Variants in SLC2A10 observed in about 807,000 individuals in gnomAD.
The protein encoded by SLC2A10 is solute carrier family 2 member 10, also known as solute carrier family 2, facilitated glucose transporter member 10.
A neutral mutation model predicts 32.1 loss-of-function variants in SLC2A10; 25 were observed. The ratio of observed to expected loss-of-function variants is 0.78; its 90% CI spans 0.57 to 1.09. The LOEUF (loss-of-function observed/expected upper bound fraction) is 1.09. Among genes scored for constraint, SLC2A10 ranks in the 50% least tolerant of loss-of-function variants. The pLI is 0.00. For synonymous variants in SLC2A10, 332 were observed against 309.6 expected (o/e 1.07, Z -0.76); for missense variants, 673 against 686.5 (o/e 0.98, Z 0.22).
chr20:46,717,762 T>C (rs1046703664), intron 1 of SLC2A10, among the ~76,000 whole-genome samples: 1 of 152,146 alleles, frequency 6.6e-6, no homozygotes, highest in Admixed American at 6.5e-5. Flanking sequence ...AAGGAACACA[T>C]GACAAATGGT....
chr20:46,722,778 G>A (rs1979630369), intron 1 of SLC2A10, among the ~76,000 whole-genome samples: 1 of 152,222 alleles, frequency 6.6e-6, no homozygotes, highest in East Asian at 1.9e-4. Context: ...TACAGTCGGT[G>A]TGTTAACAAT....
upstream of SLC2A10, among the ~76,000 whole-genome samples, chr20:46,708,872 G>C (rs1184054558): frequency 6.6e-6 from 1 of 152,092 alleles, no homozygotes; most frequent in African/African-American, 2.4e-5. Flanking sequence ...CCCACCCCGG[G>C]GCCTTTGCCT....
At chr20:46,726,373 A>G in intron 2 of SLC2A10, 49 bp downstream of exon 2, 1 of 1,591,834 alleles carries the variant, frequency 6.3e-7, no homozygotes, top group Non-Finnish European at 8.5e-7. Context: ...TACCCCTCCT[A>G]GGGGGAAGTT....
At chr20:46,732,894 A>C (rs562175913) in intron 4 of SLC2A10, among the ~76,000 whole-genome samples, 1 of 152,296 alleles carries the variant, frequency 6.6e-6, no homozygotes, top group Admixed American at 6.5e-5. Flanking sequence ...GGTGGAGGGA[A>C]CAGCAAGAGC....
At chr20:46,726,536 C>T (rs887489690) in intron 2 of SLC2A10, among the ~76,000 whole-genome samples, 8 of 152,280 alleles carry the variant, frequency 5.3e-5, no homozygotes, top group African/African-American at 1.9e-4. Context: ...CCTTAAAAGC[C>T]TCCCCAAGTC....
chr20:46,716,767 A>G (rs772520564), intron 1 of SLC2A10, among the ~76,000 whole-genome samples: 1 of 152,222 alleles, frequency 6.6e-6, no homozygotes, highest in Non-Finnish European at 1.5e-5. Flanking sequence ...ACCTGTAAGT[A>G]ATCTCAGCAT....
Position 46,729,396 on chromosome 20 carries a change from C to G in SLC2A10, c.1455C>G (p.Thr485=), listed in dbSNP as rs1285063741. 4 of 1,614,012 alleles carry G rather than the reference C, an allele frequency of 2.5e-6. No homozygotes were observed. The highest frequency in any genetic ancestry group is 3.4e-6 in the Non-Finnish European group (4 of 1,180,004). The change falls in exon 4 of 5, where the codon ACC becomes ACG. Residue 485 remains threonine, a synonymous_variant. Coordinates refer to ENST00000359271, the MANE Select transcript of SLC2A10 (RefSeq NM_030777.4). ...GGACCTTCCTGCTCTACGGACTGAC[C>G]GCTGTCCTCGGCCTGGGCTTCATCT... is the stretch of plus-strand genomic sequence containing the variant. ...LSWTFLLYGL[T]AVLGLGFIYL...
intron 1 of SLC2A10, 21 bp from the exon 2 acceptor site, chr20:46,725,020 C>T: frequency 6.2e-7 from 1 of 1,614,028 alleles, no homozygotes; most frequent in South Asian, 1.1e-5. Context: ...TAACTCTGTC[C>T]CTCTCACTTT....
intron 4 of SLC2A10, among the ~76,000 whole-genome samples, chr20:46,730,651 G>C (rs1037251838): frequency 6.6e-6 from 1 of 152,158 alleles, no homozygotes. Flanking sequence ...AGGAAGGGAA[G>C]AGCGTGGAGG....
chr20:46,713,462 C>T (rs1024477767), intron 1 of SLC2A10, among the ~76,000 whole-genome samples: 4 of 151,806 alleles, frequency 2.6e-5, no homozygotes, highest in Non-Finnish European at 4.4e-5. Context: ...GAGAGGCTGG[C>T]AGGTACCAAG....
At chr20:46,709,800 C>T in intron 1 of SLC2A10, 60 bp downstream of exon 1, 1 of 1,538,552 alleles carries the variant, frequency 6.5e-7, no homozygotes, top group Admixed American at 2.0e-5. Flanking sequence ...GTGTAGACAC[C>T]GCCCCCACGC....
Position 46,719,438 on chromosome 20 carries a change from T to G in SLC2A10, c.5-5603T>G, listed in dbSNP as rs548407790. ...GAGGTTTAATGAACTCACAGTTCCA[T>G]GTGTCTGGGGAGGCCTCAAAATCAT... is the stretch of plus-strand genomic sequence containing the variant. On this transcript the variant is annotated intron_variant, in intron 1 of 4. Coordinates refer to ENST00000359271, the MANE Select transcript of SLC2A10 (RefSeq NM_030777.4). Among the ~76,000 whole-genome samples, 402 of 152,332 alleles carry G rather than the reference T, an allele frequency of 2.6e-3. 1 individual carries two copies. Among genetic ancestry groups the G allele is most frequent in the Admixed American group, 4.4e-3 (68 of 15,304 alleles).
chr20:46,728,861 G>A (rs1347069959), intron 3 of SLC2A10, among the ~76,000 whole-genome samples: 1 of 152,030 alleles, frequency 6.6e-6, no homozygotes, highest in African/African-American at 2.4e-5. Context: ...CTGAGCTCAA[G>A]TGATCCTCCC....
intron 1 of SLC2A10, among the ~76,000 whole-genome samples, chr20:46,719,111 A>G (rs1254912205): frequency 3.3e-5 from 5 of 150,980 alleles, no homozygotes; most frequent in Non-Finnish European, 1.5e-5. Flanking sequence ...TTCTCCATGT[A>G]TATTTGGGCG....
intron 1 of SLC2A10, chr20:46,710,129 G>C (rs1484045998): frequency 2.3e-6 from 1 of 443,606 alleles, no homozygotes; most frequent in African/African-American, 2.0e-5. Context: ...TTGTGCCCCA[G>C]GCGCTGTTGT....
intron 1 of SLC2A10, among the ~76,000 whole-genome samples, chr20:46,712,643 CT>C (rs1340844887): frequency 7.5e-6 from 1 of 134,072 alleles, no homozygotes; most frequent in African/African-American, 2.7e-5. Flanking sequence ...TTTCTGTCTT[CT>C]TTCTTTCTTT....
At chr20:46,729,829 A>C (rs1025138757) in intron 4 of SLC2A10, among the ~76,000 whole-genome samples, 11 of 151,694 alleles carry the variant, frequency 7.3e-5, no homozygotes, top group African/African-American at 2.7e-4. Context: ...TTTTTAGTAG[A>C]GACGGGGTTT....
intron 1 of SLC2A10, among the ~76,000 whole-genome samples, chr20:46,724,414 G>A (rs1017609541): frequency 6.6e-6 from 1 of 152,014 alleles, no homozygotes; most frequent in Non-Finnish European, 1.5e-5. Flanking sequence ...GGATGGATTT[G>A]TAGATAGACT....
intron 4 of SLC2A10, among the ~76,000 whole-genome samples, chr20:46,732,099 C>T (rs866573881): frequency 1.3e-4 from 20 of 152,204 alleles, no homozygotes; most frequent in African/African-American, 4.3e-4. Context: ...CTCAGATGTG[C>T]TTGTTGGAAA....
Sources: gnomAD v4.1 joint callset for allele counts (sites outside exome capture counted in the v4.1 genomes callset) on GRCh38, gnomAD v4.1.1 for gene constraint, MANE v1.5 for transcripts, NCBI Gene and HGNC (gene_info 2026-07-23, HGNC 2026-07-21) for gene names.